The following KIF1C variants were observed in gnomAD, a reference collection of about 807,000 sequenced individuals.
The protein encoded by KIF1C is kinesin-like protein KIF1C.
In KIF1C, 61 loss-of-function variants were observed where a neutral mutation model predicts 126.5. That is an observed-to-expected ratio of 0.48 (90% CI 0.39 to 0.60). KIF1C has a LOEUF of 0.60. Ranked by LOEUF, KIF1C falls within the 20% of genes least tolerant of loss-of-function variation. The pLI, the probability that KIF1C is intolerant of heterozygous loss-of-function variation, is 0.00. For synonymous variants in KIF1C, 640 were observed against 580.6 expected (o/e 1.10, Z -1.47); for missense variants, 1,315 against 1,489.2 (o/e 0.88, Z 1.93).
intron 18 of KIF1C, among the ~76,000 whole-genome samples, chr17:5,015,850 C>T (rs554343670): frequency 4.7e-4 from 72 of 152,110 alleles, no homozygotes; most frequent in Non-Finnish European, 6.5e-4. Flanking sequence ...CCCACCTTGG[C>T]CTCCCAAAGC....
intron 16 of KIF1C, among the ~76,000 whole-genome samples, chr17:5,009,429 C>A (rs374872578): frequency 1.3e-5 from 2 of 151,902 alleles, no homozygotes; most frequent in African/African-American, 4.8e-5. Context: ...CCACCCACTT[C>A]GGAGTCCCAA....
intron 4 of KIF1C, 118 bp downstream of exon 4, chr17:5,000,966 A>T (rs1974574845): frequency 1.8e-6 from 2 of 1,108,192 alleles, no homozygotes; most frequent in East Asian, 2.4e-5. Context: ...AATTGGGAGG[A>T]TGATCCTGGG....
At position 5,007,003 on chromosome 17, in the gene KIF1C, A is replaced by G. The variant is rs760859255; in HGVS notation, c.1254A>G (p.Thr418=). The G allele has an allele frequency of 6.8e-6, 11 of 1,611,284 alleles. No individual in the cohort carries two copies. Among genetic ancestry groups the G allele is most frequent in the Non-Finnish European group, 9.3e-6 (11 of 1,179,266 alleles). The change falls in exon 14 of 23, where the codon ACA becomes ACG. Residue 418 remains threonine (T), a synonymous_variant. Transcript: ENST00000320785. ...PAPVSPSSPT[T]HNGELEPSFS... is the part of the protein sequence containing the mutation. ...CAGTTTCACCCTCATCACCCACCAC[A>G]CATAATGGGGAGCTGGAGCCGTCAT...
chr17:5,022,220 G>A lies in KIF1C; in HGVS notation c.2139G>A (p.Leu713=). 1 of 1,614,158 alleles carries A rather than the reference G, an allele frequency of 6.2e-7. No homozygotes were observed. The highest frequency in any genetic ancestry group is 8.5e-7 in the Non-Finnish European group (1 of 1,180,042). ...AGACCATTGTCAAACGCTGTGGTCT[G>A]CCCAGCAGTGGCAAGCGCAGGGCCC... The part of the protein sequence containing the change: ...TVQTIVKRCG[L]PSSGKRRAPR... Residue 713 remains leucine (L), a synonymous_variant, in exon 22 of 23, where the codon CTG becomes CTA. Transcript: ENST00000320785. The surrounding 1 kb of genome is among the most constrained non-coding windows in gnomAD (Gnocchi z 4.9).
Position 5,020,838 on chromosome 17 carries a change from A to G in KIF1C, c.1970A>G (p.Glu657Gly). The G allele has an allele frequency of 1.9e-6, 3 of 1,591,758 alleles. No individual in the cohort carries two copies. The highest frequency in any genetic ancestry group is 2.6e-6 in the Non-Finnish European group (3 of 1,168,842). Residue 657 changes from glutamate (E) to glycine (G), a missense_variant, in exon 21 of 23, where the codon GAA becomes GGA. By Grantham distance (98) the Glu-to-Gly change is moderately conservative. Around this residue, in one of 2 missense-constraint regions of KIF1C, gnomAD observed 874 missense variants for 1,053.2 expected, o/e 0.83. Transcript: ENST00000320785. The surrounding 1 kb of genome is among the most constrained non-coding windows in gnomAD (Gnocchi z 5.8). ...GATCTGGAGAATCAGTACCGGAAAG[A>G]AAAGGAAGAAGCCGATCTTCTGCTG... is the stretch of plus-strand genomic sequence containing the variant. ...LQDLENQYRK[E>G]KEEADLLLEQ... is the part of the protein sequence containing the mutation.
intron 18 of KIF1C, among the ~76,000 whole-genome samples, chr17:5,016,545 C>T (rs1201730569): frequency 6.6e-6 from 1 of 151,918 alleles, no homozygotes; most frequent in Non-Finnish European, 1.5e-5. Flanking sequence ...GCCACCGCAC[C>T]CGGCCAGCAC....
chr17:5,020,552 G>A lies in KIF1C; in HGVS notation c.1811G>A (p.Arg604Lys). 6.2e-7 allele frequency: 1 copy of A among 1,614,252 alleles called. No homozygotes were observed. Among genetic ancestry groups the A allele is most frequent in the Non-Finnish European group, 8.5e-7 (1 of 1,180,026 alleles). ...VFRFNHPEQA[R>K]LERERGVPPP... ...CGCTTCAACCACCCGGAGCAGGCAA[G>A]GCTGGAACGGGAACGAGGGGTCCCC... Residue 604 changes from arginine to lysine, a missense_variant, in exon 20 of 23, where the codon AGG (arginine) becomes AAG (lysine). Physicochemically the swap from Arg to Lys is conservative, Grantham distance 26. Transcript: ENST00000320785. This position sits in a 1 kb window ranked among gnomAD's most constrained non-coding sequence, Gnocchi z 5.8.
At position 5,006,900 on chromosome 17, in the gene KIF1C, C is replaced by T. The variant is rs1597849274; in HGVS notation, c.1166-15C>T. Reference sequence around the variant, plus strand: ...TTTCCTTAGCCTCATTCTTTTTCCTCTTTCTCCCTCCCAGGCCTGAAGACG... The same window carrying T: ...TTTCCTTAGCCTCATTCTTTTTCCTTTTTCTCCCTCCCAGGCCTGAAGACG... On this transcript the variant is annotated splice_polypyrimidine_tract_variant and intron_variant, in intron 13 of 22. Coordinates refer to ENST00000320785, the MANE Select transcript of KIF1C (RefSeq NM_006612.6). 1 of 1,611,352 alleles carries T rather than the reference C, an allele frequency of 6.2e-7. No homozygotes were observed. The highest frequency in any genetic ancestry group is 8.5e-7 in the Non-Finnish European group (1 of 1,179,330).
chr17:5,020,724 C>T lies in KIF1C; in HGVS notation c.1937+46C>T. 6.2e-7 allele frequency: 1 copy of T among 1,609,898 alleles called. No individual in the cohort carries two copies. The highest frequency in any genetic ancestry group is 1.1e-5 in the South Asian group (1 of 90,886). On this transcript the variant is annotated intron_variant, in intron 20 of 22. Coordinates refer to ENST00000320785, the MANE Select transcript of KIF1C (RefSeq NM_006612.6). The surrounding 1 kb of genome is among the most constrained non-coding windows in gnomAD (Gnocchi z 5.8). ...TGCCCCATGGCCGTCTAGGCCGTCCCTCCCGGGCCTCTGGGCCCGTGTCCT... is the reference window on the plus strand; with the variant it reads ...TGCCCCATGGCCGTCTAGGCCGTCCTTCCCGGGCCTCTGGGCCCGTGTCCT...
At position 5,004,866 on chromosome 17, in the gene KIF1C, G is replaced by A. The variant is rs539953623; in HGVS notation, c.1031G>A (p.Arg344His). 1.3e-5 allele frequency: 21 copies of A among 1,614,220 alleles called. No homozygotes were observed. The highest frequency in any genetic ancestry group is 1.6e-4 in the Middle Eastern group (1 of 6,062). ...CCTCTGTCACCCAGGTATGCTGACC[G>A]CACCAAGCAAATCCGCTGCAATGCC... ...ETLSTLRYAD[R>H]TKQIRCNAII... Residue 344 changes from arginine to histidine, a missense_variant, in exon 13 of 23, where the codon CGC becomes CAC. By Grantham distance (29) the Arg-to-His change is conservative (BLOSUM62 0). Around this residue, in one of 2 missense-constraint regions of KIF1C, gnomAD observed 874 missense variants for 1,053.2 expected, o/e 0.83. Coordinates refer to ENST00000320785, the MANE Select transcript of KIF1C (RefSeq NM_006612.6).
At position 5,024,055 on chromosome 17, in the gene KIF1C, GCCCCCAGGGCCCCGCTA is replaced by G; in HGVS notation, c.3222_3238del (p.Gly1075IlefsTer15). 1.3e-6 allele frequency: 2 copies of G among 1,583,996 alleles called. No individual in the cohort carries two copies. The highest frequency in any genetic ancestry group is 1.7e-6 in the Non-Finnish European group (2 of 1,165,322). ...CACCCCAACCCTACCCAGCCCAGCG[GCCCCCAGGGCCCCGCTA>G]CCCCCCATACACTACTCCCCCACGA... On this transcript the variant is annotated frameshift_variant, in exon 23 of 23. Transcript: ENST00000320785. LOFTEE classifies it high-confidence loss of function.
At chr17:5,006,036 G>A (rs1001617554) in intron 13 of KIF1C, among the ~76,000 whole-genome samples, 10 of 150,388 alleles carry the variant, frequency 6.6e-5, no homozygotes, top group South Asian at 6.6e-4. Context: ...GTGAAACCCC[G>A]TCTCTACTAA....
In KIF1C at chr17:5,002,616, C is replaced by T; in HGVS notation, c.582C>T (p.Asp194=). Residue 194 remains aspartate (D), a synonymous_variant, in exon 7 of 23, where the codon GAC becomes GAT. Transcript: ENST00000320785. ...TGACCTCCTACGCAGACATTGCTGA[C>T]CTCATGGACTGTGGAAATAAAGCAC... ...LAVTSYADIA[D]LMDCGNKART... 1.9e-6 allele frequency: 3 copies of T among 1,612,908 alleles called. No homozygotes were observed. Among genetic ancestry groups the T allele is most frequent in the Middle Eastern group, 1.7e-4 (1 of 6,060 alleles).
rs551884040 is a variant in KIF1C at position 5,022,113 on chromosome 17, G to T, written c.2032G>T (p.Asp678Tyr). ...CCAGTATGCAGACTCGGACAGCGGG[G>T]ATGACTCTGACAAGCGCTCTTGTGA... is the stretch of plus-strand genomic sequence containing the variant. ...QRLYADSDSG[D>Y]DSDKRSCEES... Residue 678 changes from aspartate (D) to tyrosine (Y), a missense_variant, in exon 22 of 23, where the codon GAT becomes TAT. Physicochemically the swap from Asp to Tyr is radical, Grantham distance 160. Coordinates refer to ENST00000320785, the MANE Select transcript of KIF1C (RefSeq NM_006612.6). The surrounding 1 kb of genome is among the most constrained non-coding windows in gnomAD (Gnocchi z 4.9). 1 of 1,607,736 alleles carries T rather than the reference G, an allele frequency of 6.2e-7. No homozygotes were observed. The highest frequency in any genetic ancestry group is 1.1e-5 in the South Asian group (1 of 90,828).
Position 5,000,261 on chromosome 17 carries a change from G to C in KIF1C, c.15G>C (p.Ser5=). ...TGTCTGGAGCTATGGCTGGTGCCTC[G>C]GTGAAAGTGGCAGTGAGGGTTCGGC... MAGA[S]VKVAVRVRPF... The change falls in exon 3 of 23, where the codon TCG becomes TCC. Residue 5 remains serine, a synonymous_variant. Transcript: ENST00000320785. 6.4e-7 allele frequency: 1 copy of C among 1,574,592 alleles called. No homozygotes were observed.
At chr17:5,003,576 C>A in intron 8 of KIF1C, 36 bp from the exon 9 acceptor site, 3 of 1,511,406 alleles carry the variant, frequency 2.0e-6, no homozygotes, top group Non-Finnish European at 1.8e-6. Context: ...GTCCCCCACC[C>A]GCACCTTATC....
intron 5 of KIF1C, among the ~76,000 whole-genome samples, chr17:5,001,816 C>T (rs946246622): frequency 6.6e-5 from 10 of 152,212 alleles, no homozygotes; most frequent in Admixed American, 4.6e-4. Flanking sequence ...ACCTGGCACA[C>T]GGGCTTGGGA....
In KIF1C at chr17:5,027,122, A is replaced by C. The variant is rs1031678084; in HGVS notation, c.*2971A>C. ...AGATGGGAAGACTGAGGTTTTGTTTATTTATTTTTATTTATTTATTTTTTG... is the reference window on the plus strand; with the variant it reads ...AGATGGGAAGACTGAGGTTTTGTTTCTTTATTTTTATTTATTTATTTTTTG... On this transcript the variant is annotated 3_prime_UTR_variant, in exon 23 of 23. Coordinates refer to ENST00000320785, the MANE Select transcript of KIF1C (RefSeq NM_006612.6). The C allele has an allele frequency of 6.6e-5, 10 of 151,208 alleles. No homozygotes were observed. Among genetic ancestry groups the C allele is most frequent in the African/African-American group, 2.5e-4 (10 of 40,654 alleles). 9.4% of individuals were successfully genotyped at this position (151,208 alleles called of 1,614,324 possible).
At chr17:5,013,433 G>C (rs1301427005) in intron 16 of KIF1C, among the ~76,000 whole-genome samples, 7 of 152,076 alleles carry the variant, frequency 4.6e-5, no homozygotes, top group Admixed American at 4.6e-4. Flanking sequence ...GGATCAGGCT[G>C]TCCTGAAGGC....
Sources: gnomAD v4.1 joint callset for allele counts (sites outside exome capture counted in the v4.1 genomes callset) on GRCh38, gnomAD v4.1.1 for gene constraint, gnomAD v4.1.1 regional missense constraint, Gnocchi (gnomAD v3.1) non-coding constraint, MANE v1.5 for transcripts, NCBI Gene and HGNC (gene_info 2026-07-23, HGNC 2026-07-21) for gene names.